Variants in NUDT18 observed in about 807,000 individuals in gnomAD.
The protein encoded by NUDT18 is nudix hydrolase 18.
NUDT18 carries 26 observed loss-of-function variants against 27.6 expected under a neutral mutation model. That is an observed-to-expected ratio of 0.94 (90% CI 0.69 to 1.31). NUDT18 has a LOEUF of 1.31. Ranked by LOEUF, NUDT18 falls within the 50% of genes most tolerant of loss-of-function variation. NUDT18 has a pLI of 0.00. For synonymous variants in NUDT18, 220 were observed against 196.9 expected (o/e 1.12, Z -0.98); for missense variants, 450 against 433.4 (o/e 1.04, Z -0.34).
At position 22,107,050 on chromosome 8, in the gene NUDT18, A is replaced by G. The variant is rs1005900; in HGVS notation, c.*250T>C. On this transcript the variant is annotated 3_prime_UTR_variant, in exon 3 of 3. Transcript: ENST00000611621. Reference sequence around the variant, plus strand: ...GCAGAAAGCTCCCCATCCCCCTGGGAAGAGGCGTCAGCGTGCCCTCAGGGT... The same window carrying G: ...GCAGAAAGCTCCCCATCCCCCTGGGGAGAGGCGTCAGCGTGCCCTCAGGGT... 215,724 of 450,310 alleles carry G rather than the reference A, an allele frequency of 0.48. 53,495 individuals carry two copies. Among genetic ancestry groups the G allele is most frequent in the Admixed American group, 0.61 (15,490 of 25,218 alleles). The allele number at this position is 450,310 out of a possible 1,614,324, so 27.9% of individuals were successfully genotyped here.
chr8:22,110,211 G>T (rs567191870), upstream of NUDT18, among the ~76,000 whole-genome samples: 1 of 152,208 alleles, frequency 6.6e-6, no homozygotes, highest in East Asian at 1.9e-4. Context: ...GAGGGCGGGG[G>T]TGGGGCCCTG....
In NUDT18 at chr8:22,107,254, T is replaced by C. The variant is rs1279806199; in HGVS notation, c.*46A>G. 1.4e-6 allele frequency: 2 copies of C among 1,437,440 alleles called. No homozygotes were observed. Among genetic ancestry groups the C allele is most frequent in the South Asian group, 1.4e-5 (1 of 74,030 alleles). 89.0% of individuals were successfully genotyped at this position (1,437,440 alleles called of 1,614,324 possible). ...CCCTCAGAGGGAGACAAGTCCGCAC[T>C]GGAGGGAGCACGGCTGCCTAGCTCC... On this transcript the variant is annotated 3_prime_UTR_variant, in exon 3 of 3. Coordinates refer to ENST00000611621, the MANE Select transcript of NUDT18 (RefSeq NM_024815.4).
intron 1 of NUDT18, among the ~76,000 whole-genome samples, chr8:22,108,865 T>C (rs1826413644): frequency 1.3e-5 from 2 of 152,048 alleles, no homozygotes; most frequent in Admixed American, 1.3e-4. Flanking sequence ...ATTGAGCCAC[T>C]GCTATCTGAG....
chr8:22,107,691 G>A lies in NUDT18; in HGVS notation c.581C>T (p.Ala194Val), dbSNP rs1172427584. ...CACTGTCTGGGCGCTGGTAAAGGTA[G>A]CCACGAGCCGCTGGCAGACCAGATC... is the stretch of plus-strand genomic sequence containing the variant. ...PCDLVCQRLV[A>V]TFTSAQTVWV... is the part of the protein sequence containing the mutation. The change falls in exon 3 of 3, where the codon GCT (alanine) becomes GTT (valine). Residue 194 changes from alanine to valine, a missense_variant. Transcript: ENST00000611621. The A allele has an allele frequency of 1.2e-6, 2 of 1,612,662 alleles. No individual in the cohort carries two copies. The highest frequency in any genetic ancestry group is 1.1e-5 in the South Asian group (1 of 90,988).
upstream of NUDT18, chr8:22,109,916 G>T (rs954555567): frequency 2.4e-5 from 8 of 339,558 alleles, no homozygotes; most frequent in Non-Finnish European, 3.6e-5. Context: ...TGGGGTGGGG[G>T]ACATAAACCC....
chr8:22,110,062 G>A (rs1055908439), upstream of NUDT18, among the ~76,000 whole-genome samples: 3 of 152,104 alleles, frequency 2.0e-5, no homozygotes, highest in Non-Finnish European at 4.4e-5. Flanking sequence ...GGAGGGAGGG[G>A]GCAGGGCTGG....
chr8:22,109,654 G>A, upstream of NUDT18: 2 of 470,310 alleles, frequency 4.3e-6, no homozygotes, highest in Admixed American at 2.4e-5. Flanking sequence ...CCACCCGCTC[G>A]CCAACTCCCC....
upstream of NUDT18, chr8:22,109,716 G>C (rs946931345): frequency 2.2e-6 from 1 of 459,662 alleles, no homozygotes; most frequent in Non-Finnish European, 4.4e-6. Context: ...CTTTCCTGCA[G>C]GGCGCGTTGC....
chr8:22,108,499 G>A (rs7825990), intron 1 of NUDT18, among the ~76,000 whole-genome samples, 153 bp from the exon 2 acceptor site: 60,095 of 152,084 alleles, frequency 0.4, 12,061 homozygotes, highest in Middle Eastern at 0.53. Context: ...GTCGCTGGGG[G>A]CTGCAGCCCT....
In NUDT18 at chr8:22,107,060, A is replaced by T; in HGVS notation, c.*240T>A. The T allele has an allele frequency of 2.1e-6, 1 of 481,430 alleles. No homozygotes were observed. The highest frequency in any genetic ancestry group is 3.7e-6 in the Non-Finnish European group (1 of 269,846). The allele number at this position is 481,430 out of a possible 1,614,324, so 29.8% of individuals were successfully genotyped here. ...CCCCATCCCCCTGGGAAGAGGCGTC[A>T]GCGTGCCCTCAGGGTAGTCAGGTCC... On this transcript the variant is annotated 3_prime_UTR_variant, in exon 3 of 3. Coordinates refer to ENST00000611621, the MANE Select transcript of NUDT18 (RefSeq NM_024815.4).
rs1826422803 is a variant in NUDT18, at chr8:22,109,234, T to G, written c.67A>C (p.Ser23Arg). The change falls in exon 1 of 3, where the codon AGC (serine) becomes CGC (arginine). Residue 23 changes from serine to arginine, a missense_variant. Physicochemically the swap from Ser to Arg is moderately radical, Grantham distance 110 (BLOSUM62 -1). Transcript: ENST00000611621. The part of the protein sequence containing the change: ...VLAGQGSSVH[S>R]CDSAPAGEPP... ...TCCCCGGCCGGCGCCGAGTCGCAGC[T>G]GTGCACGCTGGACCCCTGGCCAGCC... is the stretch of plus-strand genomic sequence containing the variant. The G allele has an allele frequency of 7.0e-7, 1 of 1,431,702 alleles. No homozygotes were observed. Among genetic ancestry groups the G allele is most frequent in the African/African-American group, 1.5e-5 (1 of 66,404 alleles). The allele number at this position is 1,431,702 out of a possible 1,614,324, so 88.7% of individuals were successfully genotyped here.
Position 22,107,234 on chromosome 8 carries a change from A to T in NUDT18, c.*66T>A. 15 of 1,252,832 alleles carry T rather than the reference A, an allele frequency of 1.2e-5. No homozygotes were observed. Among genetic ancestry groups the T allele is most frequent in the Non-Finnish European group, 1.5e-5 (14 of 912,022 alleles). 77.6% of individuals were successfully genotyped at this position (1,252,832 alleles called of 1,614,324 possible). ...TGATCGCCAGCCTCTTGCCTCCCTC[A>T]GAGGGAGACAAGTCCGCACTGGAGG... On this transcript the variant is annotated 3_prime_UTR_variant, in exon 3 of 3. Coordinates refer to ENST00000611621, the MANE Select transcript of NUDT18 (RefSeq NM_024815.4).
In NUDT18 at chr8:22,107,886, A is replaced by T. The variant is rs1444359746; in HGVS notation, c.386T>A (p.Leu129His). The T allele has an allele frequency of 6.3e-7, 1 of 1,577,622 alleles. No individual in the cohort carries two copies. The highest frequency in any genetic ancestry group is 8.6e-7 in the Non-Finnish European group (1 of 1,159,576). The change falls in exon 3 of 3, where the codon CTC (leucine) becomes CAC (histidine). Residue 129 changes from leucine (L) to histidine (H), a missense_variant. Physicochemically the swap from Leu to His is moderately conservative, Grantham distance 99. Transcript: ENST00000611621. ...VFLARPTGGI[L>H]KTSKEADAES... ...CGCATCGGCCTCCTTGGAAGTCTTG[A>T]GAATTCCACCTGGGGGAGATGTGGG...
chr8:22,107,818 T>C lies in NUDT18; in HGVS notation c.454A>G (p.Thr152Ala), dbSNP rs762872786. ...AGGATGTCATGGGCTCGCAGCGGAG[T>C]GGGCAGGGAGGTCCGTGGGTACCAG... is the stretch of plus-strand genomic sequence containing the variant. ...AAWYPRTSLP[T>A]PLRAHDILHL... The change falls in exon 3 of 3, where the codon ACT becomes GCT. Residue 152 changes from threonine (T) to alanine (A), a missense_variant. Thr to Ala is a moderately conservative substitution (Grantham distance 58). Coordinates refer to ENST00000611621, the MANE Select transcript of NUDT18 (RefSeq NM_024815.4). 1.9e-6 allele frequency: 3 copies of C among 1,612,052 alleles called. No homozygotes were observed. The highest frequency in any genetic ancestry group is 2.7e-5 in the African/African-American group (2 of 74,744).
In NUDT18 at chr8:22,107,040, TC is replaced by T. The variant is rs904077423; in HGVS notation, c.*259del. On this transcript the variant is annotated 3_prime_UTR_variant, in exon 3 of 3. Transcript: ENST00000611621. Reference sequence around the variant, plus strand: ...CACTGGGGGTGCAGAAAGCTCCCCATCCCCCTGGGAAGAGGCGTCAGCGTGC... The same window carrying T: ...CACTGGGGGTGCAGAAAGCTCCCCATCCCCTGGGAAGAGGCGTCAGCGTGC... 1.4e-5 allele frequency: 6 copies of T among 440,664 alleles called. No homozygotes were observed. Among genetic ancestry groups the T allele is most frequent in the African/African-American group, 1.2e-4 (6 of 50,156 alleles). The allele number at this position is 440,664 out of a possible 1,614,324, so 27.3% of individuals were successfully genotyped here. A position where few individuals can be genotyped will look rare whatever the true frequency, so the allele number is the denominator to read the frequency against.
intron 2 of NUDT18, 99 bp downstream of exon 2, chr8:22,108,034 A>T: frequency 7.3e-7 from 1 of 1,376,090 alleles, no homozygotes; most frequent in Non-Finnish European, 9.7e-7. Flanking sequence ...AGGCTGTGCC[A>T]GCCATAACAG....
rs1204127190 is a variant in NUDT18, at chr8:22,109,326, G to A, written c.-26C>T. 1 of 1,328,502 alleles carries A rather than the reference G, an allele frequency of 7.5e-7. No individual in the cohort carries two copies. Among genetic ancestry groups the A allele is most frequent in the Non-Finnish European group, 9.5e-7 (1 of 1,049,056 alleles). The allele number at this position is 1,328,502 out of a possible 1,614,324, so 82.3% of individuals were successfully genotyped here. A position where few individuals can be genotyped will look rare whatever the true frequency, so the allele number is the denominator to read the frequency against. ...CGGGTCCCCCGGGGGGCGGCGGGCC[G>A]GATCCTCGCAGACCGACTGAGCCGA... On this transcript the variant is annotated 5_prime_UTR_variant, in exon 1 of 3. Transcript: ENST00000611621.
intron 2 of NUDT18, 52 bp downstream of exon 2, chr8:22,108,080 TG>T: frequency 1.4e-6 from 2 of 1,438,948 alleles, no homozygotes; most frequent in South Asian, 1.5e-5. Flanking sequence ...ACCGAGGAGC[TG>T]GGGGAAAGGT....
chr8:22,109,934 GA>G (rs200935359), upstream of NUDT18: 577 of 325,962 alleles, frequency 1.8e-3, no homozygotes, highest in African/African-American at 0.012. Flanking sequence ...CCCCTGCCTT[GA>G]AGGAGATTCT....
Sources: gnomAD v4.1 joint callset for allele counts (sites outside exome capture counted in the v4.1 genomes callset) on GRCh38, gnomAD v4.1.1 for gene constraint, MANE v1.5 for transcripts, NCBI Gene and HGNC (gene_info 2026-07-23, HGNC 2026-07-21) for gene names.